C2CD3: variants seen among roughly 807,000 people sequenced by gnomAD.
The protein encoded by C2CD3 is C2 domain-containing protein 3.
Under a neutral mutation model 234.0 loss-of-function variants are expected in C2CD3, and 148 were observed. That is an observed-to-expected ratio of 0.63 (90% CI 0.55 to 0.72). The LOEUF (loss-of-function observed/expected upper bound fraction) is 0.72. Among genes scored for constraint, C2CD3 ranks in the 30% least tolerant of loss-of-function variants. The pLI, the probability that C2CD3 is intolerant of heterozygous loss-of-function variation, is 0.00. For synonymous variants in C2CD3, 1,000 were observed against 1,035.4 expected, an observed-to-expected ratio of 0.97 and a Z score of 0.66; for missense variants, 2,577 against 2,811.5, an observed-to-expected ratio of 0.92 and a Z score of 1.89.
chr11:74,164,401 A>C, intron 2 of C2CD3: 1 of 180,786 alleles, frequency 5.5e-6, no homozygotes, highest in Non-Finnish European at 1.1e-5. Flanking sequence ...GGCATATCTC[A>C]GAATCCTATA....
At chr11:74,015,139 A>ACACTGGGTGCTCT (rs1270592068) in intron 32 of C2CD3, among the ~76,000 whole-genome samples, 1 of 152,208 alleles carries the variant, frequency 6.6e-6, no homozygotes, top group African/African-American at 2.4e-5. Context: ...TTGCTCTCCC[A>ACACTGGGTGCTCT]CTTCCACACT....
In C2CD3 at chr11:74,095,284, A is replaced by C. The variant is rs1956064458; in HGVS notation, c.3104T>G (p.Phe1035Cys). 1 of 1,613,722 alleles carries C rather than the reference A, an allele frequency of 6.2e-7. No homozygotes were observed. Among genetic ancestry groups the C allele is most frequent in the Non-Finnish European group, 8.5e-7 (1 of 1,179,812 alleles). The change falls in exon 17 of 33, where the codon TTT becomes TGT. Residue 1035 changes from phenylalanine to cysteine, a missense_variant. Physicochemically the swap from Phe to Cys is radical, Grantham distance 205. Coordinates refer to ENST00000334126, the MANE Select transcript of C2CD3 (RefSeq NM_001286577.2). ...ACTGGATTGAGAGTGTTGAACTGGA[A>C]AGTAGTACTGGACATAACAATCTGC... ...GEADCYVQYY[F>C]PVQHSQSSVL...
chr11:74,123,078 TG>T lies in C2CD3; in HGVS notation c.1274del (p.Pro425HisfsTer13), dbSNP rs760575386. 2 of 1,612,696 alleles carry T rather than the reference TG, an allele frequency of 1.2e-6. No homozygotes were observed. Among genetic ancestry groups the T allele is most frequent in the Non-Finnish European group, 1.7e-6 (2 of 1,178,694 alleles). ...TGCAATACACATCACTCCCAGGAGA[TG>T]GGGAATCTGGAGGAGAGCCTAGCCC... is the stretch of plus-strand genomic sequence containing the variant. ...WDGLGSPPDSPSPGSDVYCIS... is the reference protein window; with the variant it reads ...WDGLGSPPDSXSPGSDVYCIS... On this transcript the variant is annotated frameshift_variant, in exon 8 of 33. Coordinates refer to ENST00000334126, the MANE Select transcript of C2CD3 (RefSeq NM_001286577.2). LOFTEE classifies it high-confidence loss of function.
Position 74,108,899 on chromosome 11 carries a change from T to A in C2CD3, c.1962+135A>T, listed in dbSNP as rs577744280. ...GTAATAATAATAATGATAATAATAA[T>A]AATAATAATAATAACAATGGATTAT... On this transcript the variant is annotated intron_variant, in intron 12 of 32. Coordinates refer to ENST00000334126, the MANE Select transcript of C2CD3 (RefSeq NM_001286577.2). 113 of 400,194 alleles carry A rather than the reference T, an allele frequency of 2.8e-4. 1 individual carries two copies. Among genetic ancestry groups the A allele is most frequent in the African/African-American group, 2.3e-3 (109 of 47,062 alleles). The allele number at this position is 400,194 out of a possible 1,614,324, so 24.8% of individuals were successfully genotyped here. A position where few individuals can be genotyped will look rare whatever the true frequency, so the allele number is the denominator to read the frequency against.
Position 74,033,565 on chromosome 11 carries a change from G to C in C2CD3, c.6595C>G (p.Gln2199Glu). The C allele has an allele frequency of 6.5e-7, 1 of 1,536,172 alleles. No individual in the cohort carries two copies. The highest frequency in any genetic ancestry group is 1.4e-5 in the African/African-American group (1 of 73,148). The change falls in exon 31 of 33, where the codon CAG becomes GAG. Residue 2199 changes from glutamine to glutamate, a missense_variant. Transcript: ENST00000334126. ...GCCTCTGACTTGGGCTCCTTGTTCT[G>C]ATCTGTCTGTGGTGAGCTCCATCCA... ...FVGWSSPQTD[Q>E]NKEPKSEAPA...
chr11:74,029,208 C>A (rs571122468), intron 31 of C2CD3, among the ~76,000 whole-genome samples: 162 of 152,314 alleles, frequency 1.1e-3, no homozygotes, highest in African/African-American at 3.7e-3. Context: ...TTTAGTTGAA[C>A]TCTGAAGGGG....
chr11:74,062,582 C>A (rs2135446481), intron 24 of C2CD3, among the ~76,000 whole-genome samples: 1 of 152,116 alleles, frequency 6.6e-6, no homozygotes, highest in Non-Finnish European at 1.5e-5. Flanking sequence ...CCAATGAGAA[C>A]AAAGACACAA....
At chr11:74,079,000 T>C (rs1016773864) in intron 22 of C2CD3, among the ~76,000 whole-genome samples, 2 of 152,228 alleles carry the variant, frequency 1.3e-5, no homozygotes, top group African/African-American at 4.8e-5. Context: ...TTTGGTTTCC[T>C]TACCTCACAA....
Position 74,109,019 on chromosome 11 carries a change from A to C in C2CD3, c.1962+15T>G. On this transcript the variant is annotated intron_variant, in intron 12 of 32. Transcript: ENST00000334126. ...AGTGTGAAGGTAAGGCAAAGGCCAA[A>C]ATCACTCAAAGTACCTTTTTCTGTG... 1 of 1,422,170 alleles carries C rather than the reference A, an allele frequency of 7.0e-7. No homozygotes were observed. The highest frequency in any genetic ancestry group is 9.9e-7 in the Non-Finnish European group (1 of 1,008,012). 88.1% of individuals were successfully genotyped at this position (1,422,170 alleles called of 1,614,324 possible).
chr11:74,170,944 A>C lies in C2CD3; in HGVS notation c.-152T>G. On this transcript the variant is annotated 5_prime_UTR_variant, in exon 1 of 33. Coordinates refer to ENST00000334126, the MANE Select transcript of C2CD3 (RefSeq NM_001286577.2). ...AGGAAAAAGCGACTCTTCCTCTAACAGTCTCCGGAAAACGGTGCGAAGAGA... is the reference window on the plus strand; with the variant it reads ...AGGAAAAAGCGACTCTTCCTCTAACCGTCTCCGGAAAACGGTGCGAAGAGA... 3 of 1,496,032 alleles carry C rather than the reference A, an allele frequency of 2.0e-6. No individual in the cohort carries two copies. Among genetic ancestry groups the C allele is most frequent in the Non-Finnish European group, 2.7e-6 (3 of 1,125,858 alleles). 92.7% of individuals were successfully genotyped at this position (1,496,032 alleles called of 1,614,324 possible).
chr11:74,129,574 G>A lies in C2CD3; in HGVS notation c.1217+3270C>T, dbSNP rs770990501. On this transcript the variant is annotated intron_variant, in intron 7 of 32. Coordinates refer to ENST00000334126, the MANE Select transcript of C2CD3 (RefSeq NM_001286577.2). ...GATGGGATGGCGGGCGGGCAGAGAC[G>A]CTCCTCACTTTCCAGACTGGGCAGC... The A allele has an allele frequency of 2.0e-4, 37 of 183,478 alleles. No individual in the cohort carries two copies. The South Asian group carries it at 3.1e-3, about 15-fold the overall frequency. 11.4% of individuals were successfully genotyped at this position (183,478 alleles called of 1,614,324 possible). A position where few individuals can be genotyped will look rare whatever the true frequency, so the allele number is the denominator to read the frequency against.
intron 3 of C2CD3, among the ~76,000 whole-genome samples, chr11:74,159,682 G>A (rs542706635): frequency 1.4e-4 from 21 of 152,064 alleles, no homozygotes; most frequent in Non-Finnish European, 2.8e-4. Flanking sequence ...AGTTTATAAA[G>A]TAAAAAAAGT....
chr11:74,099,678 T>A (rs1027095711), intron 15 of C2CD3, among the ~76,000 whole-genome samples: 2 of 152,060 alleles, frequency 1.3e-5, no homozygotes, highest in African/African-American at 2.4e-5. Flanking sequence ...GGGCGGATCA[T>A]GAGGTCAGGA....
At chr11:74,170,416 T>C (rs542081722) in intron 1 of C2CD3, among the ~76,000 whole-genome samples, 1 of 152,214 alleles carries the variant, frequency 6.6e-6, no homozygotes, top group Non-Finnish European at 1.5e-5. Flanking sequence ...CCTGTCCCTG[T>C]GGACCTCGAA....
intron 3 of C2CD3, among the ~76,000 whole-genome samples, chr11:74,151,563 G>A (rs1379978431): frequency 1.3e-5 from 2 of 152,080 alleles, no homozygotes; most frequent in Admixed American, 6.6e-5. Flanking sequence ...CTGGCCTCAA[G>A]TGATCCAGCT....
chr11:74,029,451 T>C (rs1480931896), intron 31 of C2CD3, among the ~76,000 whole-genome samples: 2 of 152,220 alleles, frequency 1.3e-5, no homozygotes, highest in South Asian at 2.1e-4. Flanking sequence ...ATGAAATGCA[T>C]TGATTTCTTG....
chr11:74,093,283 T>C (rs7934634), intron 18 of C2CD3, among the ~76,000 whole-genome samples: 2,184 of 150,652 alleles, frequency 0.014, 27 homozygotes, highest in Non-Finnish European at 0.022. Flanking sequence ...TTCCAATGTC[T>C]GTAACATTGA....
chr11:74,118,179 A>G, intron 9 of C2CD3, 49 bp downstream of exon 9: 4 of 1,513,496 alleles, frequency 2.6e-6, no homozygotes, highest in Non-Finnish European at 3.6e-6. Context: ...TCTTGTGAAA[A>G]TAACATTCCT....
chr11:74,134,012 T>G (rs1590903599), intron 5 of C2CD3, among the ~76,000 whole-genome samples: 1 of 152,170 alleles, frequency 6.6e-6, no homozygotes, highest in African/African-American at 2.4e-5. Context: ...TTTTCCGACT[T>G]TCTGATAGGT....
Sources: gnomAD v4.1 joint callset for allele counts (sites outside exome capture counted in the v4.1 genomes callset) on GRCh38, gnomAD v4.1.1 for gene constraint, MANE v1.5 for transcripts, NCBI Gene and HGNC (gene_info 2026-07-23, HGNC 2026-07-21) for gene names.